The following MITF variants were observed in gnomAD, a reference collection of about 807,000 sequenced individuals.
MITF encodes melanocyte inducing transcription factor.
Under a neutral mutation model 60.5 loss-of-function variants are expected in MITF, and 17 were observed. The ratio of observed to expected loss-of-function variants is 0.28; its 90% CI spans 0.19 to 0.42. The LOEUF (loss-of-function observed/expected upper bound fraction) is 0.42, where lower values mean the gene tolerates loss of function less well. Ranked by LOEUF, MITF falls within the 10% of genes least tolerant of loss-of-function variation. MITF has a pLI of 1.00. For synonymous variants in MITF, 260 were observed against 248.5 expected, an observed-to-expected ratio of 1.05 and a Z score of -0.43; for missense variants, 622 against 683.5, an observed-to-expected ratio of 0.91 and a Z score of 1.00.
intron 1 of MITF, among the ~76,000 whole-genome samples, chr3:69,874,913 T>C (rs906887284): frequency 6.6e-6 from 1 of 152,214 alleles, no homozygotes; most frequent in Non-Finnish European, 1.5e-5. Context: ...AAAATACCTA[T>C]ACCATCACAG....
Position 69,964,925 on chromosome 3 carries a change from C to T in MITF, c.1258C>T (p.Arg420Trp), listed in dbSNP as rs759306986. Residue 420 changes from arginine to tryptophan, a missense_variant, in exon 10 of 10, where the codon CGG (arginine) becomes TGG (tryptophan). By Grantham distance (101) the Arg-to-Trp change is moderately radical. Coordinates refer to ENST00000352241, the MANE Select transcript of MITF (RefSeq NM_001354604.2). Reference protein sequence around the residue: ...TGLCSPDLVNRIIKQEPVLEN... With the variant: ...TGLCSPDLVNWIIKQEPVLEN... ...TCTCTGCTCTCCAGATTTGGTGAAT[C>T]GGATCATCAAGCAAGAACCCGTTCT... 1.5e-5 allele frequency: 24 copies of T among 1,613,986 alleles called. No homozygotes were observed. The South Asian group carries it at 1.9e-4, about 13-fold the overall frequency.
At chr3:69,752,796 G>T (rs974763661) in intron 1 of MITF, among the ~76,000 whole-genome samples, 4 of 152,116 alleles carry the variant, frequency 2.6e-5, no homozygotes, top group African/African-American at 9.7e-5. Context: ...CATGAGATCT[G>T]GTCATTTAAA....
chr3:69,893,711 G>GA (rs1456040932), intron 2 of MITF, among the ~76,000 whole-genome samples: 7 of 152,168 alleles, frequency 4.6e-5, no homozygotes, highest in African/African-American at 1.7e-4. Context: ...CATGGGATGT[G>GA]TAAAGATTCT....
At chr3:69,824,660 A>G (rs1287759704) in intron 1 of MITF, among the ~76,000 whole-genome samples, 3 of 152,126 alleles carry the variant, frequency 2.0e-5, no homozygotes, top group African/African-American at 7.2e-5. Context: ...CTTGTTTCCC[A>G]CAGCACTTGT....
At chr3:69,759,225 T>C (rs1009548920) in intron 1 of MITF, among the ~76,000 whole-genome samples, 1 of 152,216 alleles carries the variant, frequency 6.6e-6, no homozygotes, top group Non-Finnish European at 1.5e-5. Flanking sequence ...ATTTAATATA[T>C]ATTGTTGATT....
rs111993416 is a variant in MITF, at chr3:69,896,907, C to T, written c.354+17524C>T. On this transcript the variant is annotated intron_variant, in intron 2 of 9. Coordinates refer to ENST00000352241, the MANE Select transcript of MITF (RefSeq NM_001354604.2). ...GCCTCAGAAGGTGAGGGACGTATCC[C>T]TGTAGTGGTTTGTGTTGAGTGGAAA... is the stretch of plus-strand genomic sequence containing the variant. Among the ~76,000 whole-genome samples, 1,163 of 152,218 alleles carry T rather than the reference C, an allele frequency of 7.6e-3. 9 individuals are homozygous for T. The highest frequency in any genetic ancestry group is 0.026 in the African/African-American group (1,091 of 41,538).
intron 2 of MITF, among the ~76,000 whole-genome samples, chr3:69,935,425 G>A (rs986516703): frequency 6.6e-6 from 1 of 152,020 alleles, no homozygotes; most frequent in African/African-American, 2.4e-5. Context: ...TTCTTTTTAA[G>A]TGTAATAGTG....
intron 1 of MITF, among the ~76,000 whole-genome samples, chr3:69,789,999 TA>T (rs2062714422): frequency 6.6e-6 from 1 of 152,128 alleles, no homozygotes; most frequent in African/African-American, 2.4e-5. Context: ...CTAGTCACAA[TA>T]GCCAAGAGTG....
intron 1 of MITF, chr3:69,763,585 T>C: frequency 8.4e-7 from 1 of 1,190,596 alleles, no homozygotes; most frequent in Non-Finnish European, 1.0e-6. Flanking sequence ...TGAGAGAAGG[T>C]GCACGTAAGC....
intron 1 of MITF, among the ~76,000 whole-genome samples, chr3:69,798,997 ACT>A (rs2062874486): frequency 6.6e-6 from 1 of 152,032 alleles, no homozygotes; most frequent in Non-Finnish European, 1.5e-5. Context: ...CTCATCCTAG[ACT>A]CTGATGCCCT....
Position 69,967,764 on chromosome 3 carries a change from T to G in MITF, c.*2516T>G, listed in dbSNP as rs1217890190. 1 of 232,916 alleles carries G rather than the reference T, an allele frequency of 4.3e-6. No homozygotes were observed. Among genetic ancestry groups the G allele is most frequent in the Non-Finnish European group, 8.5e-6 (1 of 117,898 alleles). 14.4% of individuals were successfully genotyped at this position (232,916 alleles called of 1,614,324 possible). A position where few individuals can be genotyped will look rare whatever the true frequency, so the allele number is the denominator to read the frequency against. ...GTGTGGATTCATTTCAGGGGCTAGC[T>G]AAGCCAAGAGGCAGTGGTTTGGGCT... On this transcript the variant is annotated 3_prime_UTR_variant, in exon 10 of 10. Transcript: ENST00000352241.
At chr3:69,838,934 C>G (rs1027549631) in intron 1 of MITF, among the ~76,000 whole-genome samples, 3 of 152,136 alleles carry the variant, frequency 2.0e-5, no homozygotes. Context: ...AGCTGCAGCC[C>G]TTCATGAACC....
In MITF at chr3:69,853,573, G is replaced by T. The variant is rs111806938; in HGVS notation, c.105-25561G>T. 4.6e-5 allele frequency among the ~76,000 whole-genome samples: 7 copies of T among 152,184 alleles called. 1 individual carries two copies. Among genetic ancestry groups the T allele is most frequent in the African/African-American group, 1.7e-4 (7 of 41,550 alleles). ...TCTTAAAAAATAGAACCCTCTGGAA[G>T]CCTCATCTTTGAGGCATTCTCCTCT... On this transcript the variant is annotated intron_variant, in intron 1 of 9. Coordinates refer to ENST00000352241, the MANE Select transcript of MITF (RefSeq NM_001354604.2).
chr3:69,917,574 TC>T (rs2065364487), intron 2 of MITF, among the ~76,000 whole-genome samples: 1 of 152,110 alleles, frequency 6.6e-6, no homozygotes, highest in Admixed American at 6.5e-5. Context: ...ATATTCTTCT[TC>T]CCACTGATGA....
At position 69,792,998 on chromosome 3, in the gene MITF, CTTTTTTTTTTTT is replaced by C. The variant is rs58440406; in HGVS notation, c.104+53319_104+53330del. On this transcript the variant is annotated intron_variant, in intron 1 of 9. Transcript: ENST00000352241. ...TTGTTTTATGGGCTAAAGTCTTTAG[CTTTTTTTTTTTT>C]TTTTTTTTTTTTTTTTTTTTTAAAC... Among the ~76,000 whole-genome samples the C allele has an allele frequency of 5.9e-3, 183 of 31,114 alleles. 1 individual carries two copies. The highest frequency in any genetic ancestry group is 0.021 in the African/African-American group (169 of 8,178). 20.4% of individuals were successfully genotyped at this position (31,114 alleles called of 152,430 possible). A position where few individuals can be genotyped will look rare whatever the true frequency, so the allele number is the denominator to read the frequency against.
chr3:69,904,329 A>T (rs2065052951), intron 2 of MITF, among the ~76,000 whole-genome samples: 1 of 152,208 alleles, frequency 6.6e-6, no homozygotes, highest in Non-Finnish European at 1.5e-5. Flanking sequence ...CTGAAGACTG[A>T]GAGAACTGAA....
At chr3:69,860,409 A>G (rs113957373) in intron 1 of MITF, among the ~76,000 whole-genome samples, 4 of 152,240 alleles carry the variant, frequency 2.6e-5, no homozygotes, top group African/African-American at 9.6e-5. Context: ...GATCGAGACC[A>G]CGGTGAAACC....
intron 2 of MITF, among the ~76,000 whole-genome samples, chr3:69,925,036 G>A (rs1409938553): frequency 1.3e-5 from 2 of 151,838 alleles, no homozygotes; most frequent in African/African-American, 4.8e-5. Context: ...TTTTGAGATT[G>A]TGAGCTATAT....
chr3:69,758,306 A>T (rs2062160900), intron 1 of MITF, among the ~76,000 whole-genome samples: 1 of 151,642 alleles, frequency 6.6e-6, no homozygotes, highest in African/African-American at 2.4e-5. Context: ...GGTAGCTGGG[A>T]CTACAGGTGT....
Sources: allele counts gnomAD v4.1 joint callset (sites outside exome capture counted in the v4.1 genomes callset), GRCh38; gene constraint gnomAD v4.1.1; transcripts MANE v1.5; gene names NCBI Gene and HGNC (gene_info 2026-07-23, HGNC 2026-07-21).